The following UBR4 variants were observed in gnomAD, a reference collection of about 807,000 sequenced individuals.
The protein encoded by UBR4 is E3 ubiquitin-protein ligase UBR4.
UBR4 carries 124 observed loss-of-function variants against 575.6 expected under a neutral mutation model. The ratio of observed to expected loss-of-function variants is 0.22; its 90% CI spans 0.19 to 0.25. The LOEUF (loss-of-function observed/expected upper bound fraction) is 0.25. Among genes scored for constraint, UBR4 ranks in the 10% least tolerant of loss-of-function variants. The pLI is 1.00. For synonymous variants in UBR4, 2,455 were observed against 2,473.7 expected (o/e 0.99, Z 0.22); for missense variants, 4,818 against 6,478.8 (o/e 0.74, Z 8.80).
intron 73 of UBR4, among the ~76,000 whole-genome samples, chr1:19,116,472 T>G (rs2080541507): frequency 1.3e-5 from 2 of 151,618 alleles, no homozygotes; most frequent in East Asian, 3.9e-4. Flanking sequence ...TAGGCAGCCT[T>G]CATGGCCACG....
chr1:19,144,757 G>T, intron 54 of UBR4, 29 bp downstream of exon 54: 1 of 1,582,968 alleles, frequency 6.3e-7, no homozygotes, highest in South Asian at 1.2e-5. Context: ...TGGCTGCTGC[G>T]AGCTCTCTGG....
At position 19,187,551 on chromosome 1, in the gene UBR4, A is replaced by G; in HGVS notation, c.1395-11T>C. The G allele has an allele frequency of 1.2e-6, 2 of 1,609,676 alleles. No individual in the cohort carries two copies. Among genetic ancestry groups the G allele is most frequent in the Non-Finnish European group, 1.7e-6 (2 of 1,176,966 alleles). ...CCAAATCCCTGATGCCTACACAAAG[A>G]AAAAGGAAAACACAATCCTTAAAAT... On this transcript the variant is annotated splice_polypyrimidine_tract_variant and intron_variant, in intron 11 of 105. Transcript: ENST00000375254.
chr1:19,152,608 T>C lies in UBR4; in HGVS notation c.6833-132A>G. ...CAAACTCTGGATTATAACATTTGCA[T>C]CGGCATGATGCCTACATGTGGTTAG... is the stretch of plus-strand genomic sequence containing the variant. On this transcript the variant is annotated intron_variant, in intron 46 of 105. Transcript: ENST00000375254. This position sits in a 1 kb window ranked among gnomAD's most constrained non-coding sequence, Gnocchi z 4.4. 1 of 1,215,350 alleles carries C rather than the reference T, an allele frequency of 8.2e-7. No individual in the cohort carries two copies. Among genetic ancestry groups the C allele is most frequent in the Non-Finnish European group, 1.2e-6 (1 of 865,754 alleles). The allele number at this position is 1,215,350 out of a possible 1,614,324, so 75.3% of individuals were successfully genotyped here. A position where few individuals can be genotyped will look rare whatever the true frequency, so the allele number is the denominator to read the frequency against.
At chr1:19,098,388 A>G (rs1236415940) in intron 90 of UBR4, among the ~76,000 whole-genome samples, 1 of 152,228 alleles carries the variant, frequency 6.6e-6, no homozygotes, top group African/African-American at 2.4e-5. Context: ...AAACCTTCTA[A>G]CTGGATTAAG....
At chr1:19,180,617 G>GA (rs1161521883) in intron 17 of UBR4, among the ~76,000 whole-genome samples, 3 of 150,280 alleles carry the variant, frequency 2.0e-5, no homozygotes, top group Non-Finnish European at 3.0e-5. Context: ...GAAAAATCAG[G>GA]AAAAAAAATC....
At chr1:19,120,593 T>C (rs1206275170) in intron 68 of UBR4, among the ~76,000 whole-genome samples, 2 of 152,172 alleles carry the variant, frequency 1.3e-5, no homozygotes. Flanking sequence ...AGACAAGACA[T>C]ACAATAATGA....
In UBR4 at chr1:19,152,658, C is replaced by A. The variant is rs1343280806; in HGVS notation, c.6833-182G>T. On this transcript the variant is annotated intron_variant, in intron 46 of 105. Coordinates refer to ENST00000375254, the MANE Select transcript of UBR4 (RefSeq NM_020765.3). This position sits in a 1 kb window ranked among gnomAD's most constrained non-coding sequence, Gnocchi z 4.4. ...GCTCTCCAATGGTTGTTATCCCTAA[C>A]TATGACATGTCCTAGCAATACCAAG... is the stretch of plus-strand genomic sequence containing the variant. Among the ~76,000 whole-genome samples the A allele has an allele frequency of 6.6e-6, 1 of 152,228 alleles. No individual in the cohort carries two copies. The highest frequency in any genetic ancestry group is 6.5e-5 in the Admixed American group (1 of 15,286).
intron 38 of UBR4, among the ~76,000 whole-genome samples, chr1:19,160,526 A>C (rs186896557): frequency 2.0e-5 from 3 of 152,316 alleles, no homozygotes; most frequent in Non-Finnish European, 4.4e-5. Flanking sequence ...CCTAATGCGC[A>C]AAGGCATCCC....
intron 17 of UBR4, among the ~76,000 whole-genome samples, chr1:19,179,585 A>G (rs144624607): frequency 5.3e-5 from 8 of 152,236 alleles, no homozygotes; most frequent in Non-Finnish European, 1.2e-4. Flanking sequence ...TGTAATAGCT[A>G]ATAGTTTTTC....
chr1:19,191,862 A>C (rs1475842781), intron 11 of UBR4, among the ~76,000 whole-genome samples: 1 of 152,226 alleles, frequency 6.6e-6, no homozygotes, highest in African/African-American at 2.4e-5. Context: ...GCAAGTACTC[A>C]ACTCCAAGTC....
At position 19,086,828 on chromosome 1, in the gene UBR4, A is replaced by T. The variant is rs1407121649; in HGVS notation, c.14545-7T>A. ...TGCCCAGGACCTTTGTGGGCTGCAA[A>T]GACGACAACATAAGGAGAGGGGAGG... On this transcript the variant is annotated splice_polypyrimidine_tract_variant and splice_region_variant and intron_variant, in intron 99 of 105. Coordinates refer to ENST00000375254, the MANE Select transcript of UBR4 (RefSeq NM_020765.3). 1 of 1,613,920 alleles carries T rather than the reference A, an allele frequency of 6.2e-7. No homozygotes were observed. Among genetic ancestry groups the T allele is most frequent in the East Asian group, 2.2e-5 (1 of 44,884 alleles).
chr1:19,207,266 T>C (rs2151847334), intron 1 of UBR4, among the ~76,000 whole-genome samples: 1 of 152,350 alleles, frequency 6.6e-6, no homozygotes, highest in East Asian at 1.9e-4. Flanking sequence ...TTTCATCTGG[T>C]ACTATAGCTT....
chr1:19,164,971 A>G lies in UBR4; in HGVS notation c.4339T>C (p.Leu1447=). Residue 1447 remains leucine, a synonymous_variant, in exon 32 of 106, where the codon TTG becomes CTG. Transcript: ENST00000375254. ...LTEKSPNPSL[L]HLCGSLAQLA... is the part of the protein sequence containing the mutation. ...TGTGCCAGGGAGCCACAGAGATGCA[A>G]CAGGCTCGGGTTAGGGCTCTTCTCA... 6.2e-7 allele frequency: 1 copy of G among 1,614,122 alleles called. No individual in the cohort carries two copies. Among genetic ancestry groups the G allele is most frequent in the Non-Finnish European group, 8.5e-7 (1 of 1,179,988 alleles).
rs146470354 is a variant in UBR4 at position 19,086,406 on chromosome 1, G to A, written c.14688-136C>T. On this transcript the variant is annotated intron_variant, in intron 100 of 105. Transcript: ENST00000375254. ...AGTCGGCCCAGGCTCCTGACCCTGC[G>A]AAGAGAATTTGCTATTTGTAGCCTC... 2.2e-4 allele frequency: 279 copies of A among 1,283,994 alleles called. 2 individuals are homozygous for A. In the African/African-American group the frequency reaches 2.2e-3, roughly 10 times the overall value. 79.5% of individuals were successfully genotyped at this position (1,283,994 alleles called of 1,614,324 possible).
intron 66 of UBR4, among the ~76,000 whole-genome samples, 188 bp from the exon 67 acceptor site, chr1:19,122,200 T>C (rs1017692648): frequency 2.0e-5 from 3 of 152,228 alleles, no homozygotes; most frequent in African/African-American, 4.8e-5. Context: ...CTGCAACCGC[T>C]GCAGCTCTTA....
intron 11 of UBR4, among the ~76,000 whole-genome samples, chr1:19,188,226 A>C (rs1463599137): frequency 6.6e-6 from 1 of 152,198 alleles, no homozygotes; most frequent in Non-Finnish European, 1.5e-5. Flanking sequence ...TGAATTACCA[A>C]CTTCTATAAA....
chr1:19,155,312 A>C lies in UBR4; in HGVS notation c.6300+129T>G, dbSNP rs561911525. 1.6e-5 allele frequency: 18 copies of C among 1,120,468 alleles called. No individual in the cohort carries two copies. The South Asian group carries it at 2.8e-4, about 17-fold the overall frequency. The allele number at this position is 1,120,468 out of a possible 1,614,324, so 69.4% of individuals were successfully genotyped here. A position where few individuals can be genotyped will look rare whatever the true frequency, so the allele number is the denominator to read the frequency against. On this transcript the variant is annotated intron_variant, in intron 43 of 105. Coordinates refer to ENST00000375254, the MANE Select transcript of UBR4 (RefSeq NM_020765.3). ...TAGAAAGTTAGATGGAAAAACAAAG[A>C]AAAAGAAAAAAAGATCCAGTTAGAT...
In UBR4 at chr1:19,163,752, C is replaced by T. The variant is rs2087796577; in HGVS notation, c.4764+12G>A. 1 of 1,613,998 alleles carries T rather than the reference C, an allele frequency of 6.2e-7. No individual in the cohort carries two copies. The highest frequency in any genetic ancestry group is 8.5e-7 in the Non-Finnish European group (1 of 1,179,852). ...CCCTTCACCCCCCATTGTCATTCCT[C>T]ACTTTTCTTACCTTTCCATGCATTA... On this transcript the variant is annotated intron_variant, in intron 34 of 105. Coordinates refer to ENST00000375254, the MANE Select transcript of UBR4 (RefSeq NM_020765.3).
At chr1:19,136,873 G>C (rs1049200198) in intron 60 of UBR4, among the ~76,000 whole-genome samples, 1 of 152,152 alleles carries the variant, frequency 6.6e-6, no homozygotes, top group African/African-American at 2.4e-5. Context: ...TTCATCCAGA[G>C]ATGTTAAGCG....
Sources: allele counts gnomAD v4.1 joint callset (sites outside exome capture counted in the v4.1 genomes callset), GRCh38; gene constraint gnomAD v4.1.1; non-coding constraint Gnocchi (gnomAD v3.1); transcripts MANE v1.5; gene names NCBI Gene and HGNC (gene_info 2026-07-23, HGNC 2026-07-21).